Variants in WDR25 observed in about 807,000 individuals in gnomAD.
The protein encoded by WDR25 is WD repeat domain 25, also known as WD repeat-containing protein 25.
A neutral mutation model predicts 47.7 loss-of-function variants in WDR25; 35 were observed. The observed-to-expected ratio is 0.73, with a 90% CI of 0.56 to 0.97. The LOEUF (loss-of-function observed/expected upper bound fraction) is 0.97, where lower values mean the gene tolerates loss of function less well. Ranked by LOEUF, WDR25 falls within the 50% of genes least tolerant of loss-of-function variation. The probability of loss-of-function intolerance (pLI) is 0.00; values close to 1 mark genes in which losing one functional copy is unlikely to be tolerated. For synonymous variants in WDR25, 248 were observed against 278.9 expected, an observed-to-expected ratio of 0.89 and a Z score of 1.10; for missense variants, 634 against 704.7, an observed-to-expected ratio of 0.90 and a Z score of 1.14.
intron 4 of WDR25, among the ~76,000 whole-genome samples, chr14:100,517,791 C>T (rs967195906): frequency 2.6e-5 from 4 of 152,220 alleles, no homozygotes; most frequent in Admixed American, 2.0e-4. Flanking sequence ...TTGCAGTGAG[C>T]TGAGGTTGCA....
In WDR25 at chr14:100,529,661, C is replaced by T. The variant is rs2030378775; in HGVS notation, c.1414-159C>T. On this transcript the variant is annotated intron_variant, in intron 6 of 6. Transcript: ENST00000402312. The surrounding 1 kb of genome is among the most constrained non-coding windows in gnomAD (Gnocchi z 5.1). ...TGGGCCCGCATCAGGGCTCTACAGCCTCATGGGCGGGACCTGGGCTTTGGC... is the reference window on the plus strand; with the variant it reads ...TGGGCCCGCATCAGGGCTCTACAGCTTCATGGGCGGGACCTGGGCTTTGGC... 1.3e-6 allele frequency: 1 copy of T among 799,190 alleles called. No homozygotes were observed. Among genetic ancestry groups the T allele is most frequent in the African/African-American group, 1.7e-5 (1 of 57,726 alleles). 49.5% of individuals were successfully genotyped at this position (799,190 alleles called of 1,614,324 possible).
chr14:100,445,930 G>A (rs918514286), intron 2 of WDR25, among the ~76,000 whole-genome samples: 2 of 152,214 alleles, frequency 1.3e-5, no homozygotes, highest in Non-Finnish European at 2.9e-5. Context: ...AAGAAGACAC[G>A]GGGCGAGGCC....
intron 2 of WDR25, among the ~76,000 whole-genome samples, chr14:100,446,393 A>T (rs1388131321): frequency 1.3e-5 from 2 of 152,048 alleles, no homozygotes; most frequent in Non-Finnish European, 2.9e-5. Flanking sequence ...TCTACTAAAA[A>T]TACAAAAATT....
intron 2 of WDR25, among the ~76,000 whole-genome samples, chr14:100,418,983 T>A: frequency 6.6e-6 from 1 of 151,662 alleles, no homozygotes; most frequent in Non-Finnish European, 1.5e-5. Flanking sequence ...ACTTTGGGAG[T>A]CCAAGGTGGG....
intron 2 of WDR25, among the ~76,000 whole-genome samples, chr14:100,382,964 C>T (rs1896939777): frequency 6.6e-6 from 1 of 152,258 alleles, no homozygotes; most frequent in Non-Finnish European, 1.5e-5. Context: ...TGGTGGTTCC[C>T]TTGCCCTTGT....
At chr14:100,376,847 C>A in intron 1 of WDR25, 1 of 943,288 alleles carries the variant, frequency 1.1e-6, no homozygotes, top group Non-Finnish European at 1.4e-6. Flanking sequence ...TGGGAATATC[C>A]TATTTCTTTT....
At chr14:100,491,766 T>C (rs957899248) in intron 4 of WDR25, among the ~76,000 whole-genome samples, 1 of 152,226 alleles carries the variant, frequency 6.6e-6, no homozygotes, top group Non-Finnish European at 1.5e-5. Context: ...AGCACTGCCA[T>C]GTGCAGCTCC....
chr14:100,416,448 C>G (rs747695492), intron 2 of WDR25, among the ~76,000 whole-genome samples: 1 of 152,220 alleles, frequency 6.6e-6, no homozygotes, highest in Non-Finnish European at 1.5e-5. Flanking sequence ...GTCACCGGCC[C>G]ATTCACCCTG....
chr14:100,410,960 T>C (rs1162807733), intron 2 of WDR25, among the ~76,000 whole-genome samples: 1 of 151,920 alleles, frequency 6.6e-6, no homozygotes, highest in Non-Finnish European at 1.5e-5. Context: ...TTTTTGTATT[T>C]TTGGTAGCAA....
At chr14:100,402,514 T>C (rs1897410348) in intron 2 of WDR25, among the ~76,000 whole-genome samples, 1 of 152,186 alleles carries the variant, frequency 6.6e-6, no homozygotes, top group Non-Finnish European at 1.5e-5. Flanking sequence ...AGTGATGCGC[T>C]GTCAGCCAGG....
intron 2 of WDR25, among the ~76,000 whole-genome samples, chr14:100,431,011 AT>A (rs1259218087): frequency 6.6e-6 from 1 of 152,140 alleles, no homozygotes; most frequent in Non-Finnish European, 1.5e-5. Context: ...GAGTGAGTCG[AT>A]GGAAGGACAC....
chr14:100,480,790 C>A (rs1003741802), intron 3 of WDR25, among the ~76,000 whole-genome samples: 6 of 152,006 alleles, frequency 3.9e-5, no homozygotes, highest in Non-Finnish European at 7.4e-5. Flanking sequence ...GTTGCAGGAG[C>A]CATTATTTGA....
At chr14:100,409,571 T>G (rs1897647010) in intron 2 of WDR25, among the ~76,000 whole-genome samples, 1 of 152,170 alleles carries the variant, frequency 6.6e-6, no homozygotes. Flanking sequence ...GAAATTGCTG[T>G]GGGTGATCCC....
intron 2 of WDR25, among the ~76,000 whole-genome samples, chr14:100,403,487 A>T (rs1315955843): frequency 6.6e-6 from 1 of 152,216 alleles, no homozygotes; most frequent in African/African-American, 2.4e-5. Context: ...GGTCTGGGGA[A>T]GGTCCTCTGC....
In WDR25 at chr14:100,502,419, G is replaced by C. The variant is rs1290888383; in HGVS notation, c.1101+18295G>C. Among the ~76,000 whole-genome samples the C allele has an allele frequency of 2.6e-5, 4 of 152,138 alleles. No individual in the cohort carries two copies. The highest frequency in any genetic ancestry group is 9.6e-5 in the African/African-American group (4 of 41,504). On this transcript the variant is annotated intron_variant, in intron 4 of 6. Transcript: ENST00000402312. The surrounding 1 kb of genome is among the most constrained non-coding windows in gnomAD (Gnocchi z 4.5). ...TAGCCTGTGTAGAGCACAACCCCCA[G>C]TTGTTAGCTGGGAATGGCTCTGACG...
intron 4 of WDR25, among the ~76,000 whole-genome samples, chr14:100,513,466 CTAT>C (rs1901379348): frequency 6.6e-6 from 1 of 152,140 alleles, no homozygotes; most frequent in African/African-American, 2.4e-5. Context: ...AAGTAAATAT[CTAT>C]TATTTATAAA....
chr14:100,405,662 A>T (rs1897514359), intron 2 of WDR25, among the ~76,000 whole-genome samples: 1 of 152,264 alleles, frequency 6.6e-6, no homozygotes. Context: ...CAAGGGCAGA[A>T]GCAGAGCTGG....
intron 2 of WDR25, among the ~76,000 whole-genome samples, chr14:100,459,989 A>G (rs1899350286): frequency 6.9e-6 from 1 of 145,696 alleles, no homozygotes; most frequent in South Asian, 2.2e-4. Context: ...TAGAATAGCA[A>G]AGAAGGGGGA....
chr14:100,474,389 C>A (rs1899948871), intron 3 of WDR25, among the ~76,000 whole-genome samples: 1 of 152,226 alleles, frequency 6.6e-6, no homozygotes, highest in Non-Finnish European at 1.5e-5. Flanking sequence ...CTCACGCCAG[C>A]CCTCTAGGCA....
Sources: gnomAD v4.1 joint callset for allele counts (sites outside exome capture counted in the v4.1 genomes callset) on GRCh38, gnomAD v4.1.1 for gene constraint, Gnocchi (gnomAD v3.1) non-coding constraint, MANE v1.5 for transcripts, NCBI Gene and HGNC (gene_info 2026-07-23, HGNC 2026-07-21) for gene names.